Variants in LMF1 observed in about 807,000 individuals in gnomAD.
LMF1 encodes the protein transmembrane protein 112.
A neutral mutation model predicts 60.6 loss-of-function variants in LMF1; 68 were observed. The ratio of observed to expected loss-of-function variants is 1.12; its 90% confidence interval spans 0.92 to 1.37. LMF1 has a LOEUF of 1.37. LMF1 is among the 40% of genes most tolerant of loss of function. The pLI is 0.00. For synonymous variants in LMF1, 418 were observed against 324.7 expected (o/e 1.29, Z -3.09); for missense variants, 948 against 767.2 (o/e 1.24, Z -2.78).
At chr16:980,164 C>T (rs981022496) in intron 1 of LMF1, 33 of 220,190 alleles carry the variant, frequency 1.5e-4, no homozygotes, top group African/African-American at 7.6e-4. Context: ...GGGCAGGTGA[C>T]ACGGCCCTTG....
chr16:939,013 C>G (rs2072022786), intron 2 of LMF1, among the ~76,000 whole-genome samples: 1 of 152,132 alleles, frequency 6.6e-6, no homozygotes, highest in African/African-American at 2.4e-5. Context: ...GTTACACCTT[C>G]CACGTGCATT....
At chr16:908,551 T>C (rs1011646032) in intron 4 of LMF1, among the ~76,000 whole-genome samples, 6 of 152,132 alleles carry the variant, frequency 3.9e-5, no homozygotes, top group Admixed American at 3.9e-4. Flanking sequence ...TGACAAGCCC[T>C]GGGGGCCTGC....
At chr16:908,559 T>C (rs755950780) in intron 4 of LMF1, among the ~76,000 whole-genome samples, 1 of 152,170 alleles carries the variant, frequency 6.6e-6, no homozygotes, top group Non-Finnish European at 1.5e-5. Context: ...CCTGGGGGCC[T>C]GCTCGTGCCC....
chr16:937,384 T>C (rs1005627915), intron 2 of LMF1, among the ~76,000 whole-genome samples: 1 of 152,216 alleles, frequency 6.6e-6, no homozygotes, highest in African/African-American at 2.4e-5. Context: ...GATTTTGCTT[T>C]TGGATGGTCG....
chr16:945,884 C>A (rs1438319935), intron 2 of LMF1, among the ~76,000 whole-genome samples: 1 of 152,200 alleles, frequency 6.6e-6, no homozygotes, highest in Non-Finnish European at 1.5e-5. Context: ...GACTGGGTTG[C>A]CAAGTCCCCG....
chr16:924,591 G>A (rs999794347), intron 3 of LMF1, among the ~76,000 whole-genome samples: 1 of 152,070 alleles, frequency 6.6e-6, no homozygotes, highest in African/African-American at 2.4e-5. Context: ...CCACACCATC[G>A]GCCACTGTCA....
chr16:927,955 G>A (rs1341708247), intron 3 of LMF1, among the ~76,000 whole-genome samples: 2 of 152,212 alleles, frequency 1.3e-5, no homozygotes, highest in Non-Finnish European at 2.9e-5. Flanking sequence ...GCAGACCTGA[G>A]AGGTGGGGAA....
chr16:947,584 C>G (rs1386808599), intron 2 of LMF1: 13 of 455,998 alleles, frequency 2.9e-5, no homozygotes, highest in Non-Finnish European at 5.7e-5. Flanking sequence ...CAGCTCCCGC[C>G]ACAGGAAGGA....
intron 1 of LMF1, among the ~76,000 whole-genome samples, chr16:966,743 G>A (rs1004523439): frequency 1.3e-5 from 2 of 152,194 alleles, no homozygotes; most frequent in Admixed American, 6.5e-5. Context: ...CACCTCATCA[G>A]TGACAGGAAG....
At chr16:869,800 G>C in intron 9 of LMF1, 83 bp downstream of exon 9, 3 of 1,403,986 alleles carry the variant, frequency 2.1e-6, no homozygotes, top group Non-Finnish European at 2.9e-6. Context: ...CCCTTCAGTG[G>C]GCGTTCTAGA....
chr16:945,143 G>A (rs565929652), intron 2 of LMF1, among the ~76,000 whole-genome samples: 141 of 141,898 alleles, frequency 9.9e-4, no homozygotes, highest in African/African-American at 3.7e-3. Flanking sequence ...CCCAGGAAGT[G>A]GAGGCTGCAA....
intron 1 of LMF1, among the ~76,000 whole-genome samples, chr16:965,459 C>T (rs76469512): frequency 0.011 from 1,730 of 152,248 alleles, 28 homozygotes; most frequent in African/African-American, 0.039. Flanking sequence ...AGAGACTCCT[C>T]GATAAATAAC....
rs1479668989 is a variant in LMF1 at position 869,421 on chromosome 16, C to T, written c.1417-365G>A. ...CCATGGGTGCCTCTGCTACCCCCAG[C>T]CCTGGGGATTCCTTCTTTCCTGTTC... On this transcript the variant is annotated intron_variant, in intron 9 of 10. Transcript: ENST00000262301. 3 of 560,076 alleles carry T rather than the reference C, an allele frequency of 5.4e-6. No individual in the cohort carries two copies. The East Asian group carries it at 1.3e-4, about 24-fold the overall frequency. 34.7% of individuals were successfully genotyped at this position (560,076 alleles called of 1,614,324 possible). A position where few individuals can be genotyped will look rare whatever the true frequency, so the allele number is the denominator to read the frequency against.
At position 910,936 on chromosome 16, in the gene LMF1, C is replaced by T; in HGVS notation, c.658G>A (p.Gly220Arg). The change falls in exon 4 of 11, where the codon GGA (glycine) becomes AGA (arginine). Residue 220 changes from glycine (G) to arginine (R), a missense_variant. Physicochemically the swap from Gly to Arg is moderately radical, Grantham distance 125 (BLOSUM62 -2). Transcript: ENST00000262301. ...CGCAGAAGAGCTCCACTTACTGCTC[C>T]AAGCATGATCCTGAAGATCAGCCAC... ...FRWLIFRIMLGAGLIKIRGDR... is the reference protein window; with the variant it reads ...FRWLIFRIMLRAGLIKIRGDR... 1 of 1,612,832 alleles carries T rather than the reference C, an allele frequency of 6.2e-7. No individual in the cohort carries two copies. Among genetic ancestry groups the T allele is most frequent in the Non-Finnish European group, 8.5e-7 (1 of 1,179,864 alleles).
At chr16:941,366 C>T (rs942441318) in intron 2 of LMF1, among the ~76,000 whole-genome samples, 5 of 152,158 alleles carry the variant, frequency 3.3e-5, no homozygotes, top group African/African-American at 7.2e-5. Flanking sequence ...ACTACAGGCA[C>T]GTGCAACTAT....
In LMF1 at chr16:874,642, T is replaced by C. The variant is rs556545686; in HGVS notation, c.898-3301A>G. On this transcript the variant is annotated intron_variant, in intron 6 of 10. Coordinates refer to ENST00000262301, the MANE Select transcript of LMF1 (RefSeq NM_022773.4). The surrounding 1 kb of genome is among the most constrained non-coding windows in gnomAD (Gnocchi z 4.1). ...GGAGGGAGGCTGCTCATGCCGCAAC[T>C]CCCCAACGGAAGGATCACGGGAACC... 1.3e-5 allele frequency among the ~76,000 whole-genome samples: 2 copies of C among 151,978 alleles called. No homozygotes were observed. Among genetic ancestry groups the C allele is most frequent in the African/African-American group, 4.8e-5 (2 of 41,454 alleles).
chr16:910,930 C>G lies in LMF1; in HGVS notation c.663+1G>C. On this transcript the variant is annotated splice_donor_variant, in intron 4 of 10. Coordinates refer to ENST00000262301, the MANE Select transcript of LMF1 (RefSeq NM_022773.4). LOFTEE classifies it high-confidence loss of function. ...ACACCACGCAGAAGAGCTCCACTTA[C>G]TGCTCCAAGCATGATCCTGAAGATC... The G allele has an allele frequency of 1.2e-6, 2 of 1,612,758 alleles. No homozygotes were observed. Among genetic ancestry groups the G allele is most frequent in the Non-Finnish European group, 1.7e-6 (2 of 1,179,810 alleles).
At chr16:945,211 C>CAGAAAAAAAA (rs2072208268) in intron 2 of LMF1, among the ~76,000 whole-genome samples, 1 of 79,020 alleles carries the variant, frequency 1.3e-5, no homozygotes, top group Non-Finnish European at 2.2e-5. Flanking sequence ...GACTCCATCT[C>CAGAAAAAAAA]AAAAAAAAAA....
chr16:939,460 C>T (rs1036540109), intron 2 of LMF1, among the ~76,000 whole-genome samples: 7 of 152,262 alleles, frequency 4.6e-5, no homozygotes, highest in Non-Finnish European at 8.8e-5. Context: ...GTGGGCTTGG[C>T]GCAATGAGCA....
Sources: allele counts gnomAD v4.1 joint callset (sites outside exome capture counted in the v4.1 genomes callset), GRCh38; gene constraint gnomAD v4.1.1; non-coding constraint Gnocchi (gnomAD v3.1); transcripts MANE v1.5; gene names NCBI Gene and HGNC (gene_info 2026-07-23, HGNC 2026-07-21).